The following AQP1 variants were observed in gnomAD, a reference collection of about 807,000 sequenced individuals.
The protein encoded by AQP1 is aquaporin 1 (Colton blood group).
A neutral mutation model predicts 19.7 loss-of-function variants in AQP1; 11 were observed. That is an observed-to-expected ratio of 0.56 (90% CI 0.35 to 0.92). The LOEUF is 0.92. Ranked by LOEUF, AQP1 falls within the 40% of genes least tolerant of loss-of-function variation. The probability of loss-of-function intolerance (pLI) is 0.01; values close to 1 mark genes in which losing one functional copy is unlikely to be tolerated. For synonymous variants in AQP1, 159 were observed against 166.7 expected, an observed-to-expected ratio of 0.95 and a Z score of 0.36; for missense variants, 320 against 369.7, an observed-to-expected ratio of 0.87 and a Z score of 1.10.
rs762860185 is a variant in AQP1 at position 30,911,991 on chromosome 7, A to G, written c.82A>G (p.Ser28Gly). The G allele has an allele frequency of 6.2e-7, 1 of 1,613,640 alleles. No individual in the cohort carries two copies. The highest frequency in any genetic ancestry group is 1.1e-5 in the South Asian group (1 of 91,090). ...GGCCACGACCCTCTTTGTCTTCATC[A>G]GCATCGGTTCTGCCCTGGGCTTCAA... ...FLATTLFVFISIGSALGFKYP... is the reference protein window; with the variant it reads ...FLATTLFVFIGIGSALGFKYP... The change falls in exon 1 of 4, where the codon AGC becomes GGC. Residue 28 changes from serine (S) to glycine (G), a missense_variant. Physicochemically the swap from Ser to Gly is moderately conservative, Grantham distance 56. Coordinates refer to ENST00000311813, the MANE Select transcript of AQP1 (RefSeq NM_198098.4).
In AQP1 at chr7:30,923,415, G is replaced by A. The variant is rs1296984971; in HGVS notation, c.631-35G>A. On this transcript the variant is annotated intron_variant, in intron 3 of 3. Transcript: ENST00000311813. The surrounding 1 kb of genome is among the most constrained non-coding windows in gnomAD (Gnocchi z 4.8). ...GGGAACGCTTCCCAGGGGCTTTTGA[G>A]TGGAGCCCTCTGAACACACCTGCTC... is the stretch of plus-strand genomic sequence containing the variant. 4 of 1,613,230 alleles carry A rather than the reference G, an allele frequency of 2.5e-6. No individual in the cohort carries two copies. The highest frequency in any genetic ancestry group is 1.6e-4 in the Middle Eastern group (1 of 6,080).
At chr7:30,921,450 G>A in intron 1 of AQP1, 2 of 1,463,806 alleles carry the variant, frequency 1.4e-6, no homozygotes, top group Middle Eastern at 2.3e-4. Flanking sequence ...TGGGAGACAG[G>A]CCTTGGACCA....
intron 1 of AQP1, among the ~76,000 whole-genome samples, chr7:30,915,119 A>G (rs1791278898): frequency 6.6e-6 from 1 of 152,142 alleles, no homozygotes; most frequent in Admixed American, 6.5e-5. Context: ...GGCTCTGAGA[A>G]GTAGGAGATG....
intron 1 of AQP1, among the ~76,000 whole-genome samples, chr7:30,913,800 G>A (rs1267789089): frequency 1.3e-5 from 2 of 151,982 alleles, no homozygotes; most frequent in East Asian, 1.9e-4. Context: ...ACGTGGCCGC[G>A]GGGGATGTAC....
intron 1 of AQP1, among the ~76,000 whole-genome samples, chr7:30,920,770 G>T (rs1791478642): frequency 6.6e-6 from 1 of 152,338 alleles, no homozygotes; most frequent in Non-Finnish European, 1.5e-5. Flanking sequence ...TGGCCAGAGG[G>T]CTGGCGGACC....
chr7:30,915,671 T>C (rs1791327560), intron 1 of AQP1, among the ~76,000 whole-genome samples: 1 of 152,172 alleles, frequency 6.6e-6, no homozygotes, highest in Non-Finnish European at 1.5e-5. Flanking sequence ...AGCTACCCTC[T>C]TCGGGGTCTT....
In AQP1 at chr7:30,923,838, GA is replaced by G; in HGVS notation, c.*210del. ...TTTCCTGGCCTCAGAGCTTCCTGGG[GA>G]CCAAGATTTACCAATTCACCCACTC... is the stretch of plus-strand genomic sequence containing the variant. On this transcript the variant is annotated 3_prime_UTR_variant, in exon 4 of 4. Coordinates refer to ENST00000311813, the MANE Select transcript of AQP1 (RefSeq NM_198098.4). This position sits in a 1 kb window ranked among gnomAD's most constrained non-coding sequence, Gnocchi z 4.8. The G allele has an allele frequency of 6.5e-7, 1 of 1,529,026 alleles. No homozygotes were observed. The highest frequency in any genetic ancestry group is 8.8e-7 in the Non-Finnish European group (1 of 1,138,534). The allele number at this position is 1,529,026 out of a possible 1,614,324, so 94.7% of individuals were successfully genotyped here.
intron 1 of AQP1, among the ~76,000 whole-genome samples, chr7:30,917,770 C>A (rs955420590): frequency 6.6e-6 from 1 of 152,164 alleles, no homozygotes; most frequent in African/African-American, 2.4e-5. Flanking sequence ...TTTCTGAAGT[C>A]AAGCTTGTTA....
rs770930476 is a variant in AQP1 at position 30,923,920 on chromosome 7, G to A, written c.*291G>A. 20 of 1,447,132 alleles carry A rather than the reference G, an allele frequency of 1.4e-5. No individual in the cohort carries two copies. Among genetic ancestry groups the A allele is most frequent in the Non-Finnish European group, 2.8e-6 (3 of 1,084,822 alleles). The allele number at this position is 1,447,132 out of a possible 1,614,324, so 89.6% of individuals were successfully genotyped here. On this transcript the variant is annotated 3_prime_UTR_variant, in exon 4 of 4. Transcript: ENST00000311813. The surrounding 1 kb of genome is among the most constrained non-coding windows in gnomAD (Gnocchi z 4.8). ...GGACCCACCTGCTAGTCGCCCCTCAGAGCATGATGGGAGGTGTGCCAGAAA... is the reference window on the plus strand; with the variant it reads ...GGACCCACCTGCTAGTCGCCCCTCAAAGCATGATGGGAGGTGTGCCAGAAA...
rs1791577610 is a variant in AQP1, at chr7:30,923,326, T to C, written c.631-124T>C. Reference sequence around the variant, plus strand: ...TCATGATGTTAGGATTTGGCTCTCCTACCTGCCTCCATCCCAGGTGGGAAA... The same window carrying C: ...TCATGATGTTAGGATTTGGCTCTCCCACCTGCCTCCATCCCAGGTGGGAAA... On this transcript the variant is annotated intron_variant, in intron 3 of 3. Transcript: ENST00000311813. This position sits in a 1 kb window ranked among gnomAD's most constrained non-coding sequence, Gnocchi z 4.8. The C allele has an allele frequency of 2.6e-6, 4 of 1,540,916 alleles. No homozygotes were observed. The highest frequency in any genetic ancestry group is 1.4e-5 in the African/African-American group (1 of 73,714).
Position 30,923,224 on chromosome 7 carries a change from TG to T in AQP1, c.631-225del, listed in dbSNP as rs1355696441. On this transcript the variant is annotated intron_variant, in intron 3 of 3. Coordinates refer to ENST00000311813, the MANE Select transcript of AQP1 (RefSeq NM_198098.4). This position sits in a 1 kb window ranked among gnomAD's most constrained non-coding sequence, Gnocchi z 4.8. ...AGAAGGGGCTGCTACTGCCCATGCC[TG>T]AGCTGGGCCCCACAGAGGCAAGGAG... Among the ~76,000 whole-genome samples, 1 of 152,236 alleles carries T rather than the reference TG, an allele frequency of 6.6e-6. No individual in the cohort carries two copies. Among genetic ancestry groups the T allele is most frequent in the East Asian group, 1.9e-4 (1 of 5,198 alleles).
chr7:30,915,837 G>T (rs923411691), intron 1 of AQP1, among the ~76,000 whole-genome samples: 1 of 152,156 alleles, frequency 6.6e-6, no homozygotes, highest in Non-Finnish European at 1.5e-5. Context: ...CATGCCACCA[G>T]TTCTCCCGGG....
Position 30,912,033 on chromosome 7 carries a change from A to G in AQP1, c.124A>G (p.Asn42Asp). 1 of 1,613,542 alleles carries G rather than the reference A, an allele frequency of 6.2e-7. No individual in the cohort carries two copies. Among genetic ancestry groups the G allele is most frequent in the Non-Finnish European group, 8.5e-7 (1 of 1,180,026 alleles). Residue 42 changes from asparagine (N) to aspartate (D), a missense_variant, in exon 1 of 4, where the codon AAC (asparagine) becomes GAC (aspartate). Transcript: ENST00000311813. The surrounding 1 kb of genome is among the most constrained non-coding windows in gnomAD (Gnocchi z 4.3). ...GGGCTTCAAATACCCGGTGGGGAAC[A>G]ACCAGACGGCGGTCCAGGACAACGT... ...ALGFKYPVGN[N>D]QTAVQDNVKV...
Position 30,912,186 on chromosome 7 carries a change from C to G in AQP1, c.277C>G (p.Arg93Gly), listed in dbSNP as rs760146829. ...GCTCAGCTGCCAGATCAGCATCTTC[C>G]GTGCCCTCATGTACATCATCGCCCA... ...LLLSCQISIF[R>G]ALMYIIAQCV... The change falls in exon 1 of 4, where the codon CGT (arginine) becomes GGT (glycine). Residue 93 changes from arginine (R) to glycine (G), a missense_variant. Physicochemically the swap from Arg to Gly is moderately radical, Grantham distance 125. Coordinates refer to ENST00000311813, the MANE Select transcript of AQP1 (RefSeq NM_198098.4). This position sits in a 1 kb window ranked among gnomAD's most constrained non-coding sequence, Gnocchi z 4.3. 9 of 1,612,480 alleles carry G rather than the reference C, an allele frequency of 5.6e-6. No individual in the cohort carries two copies. The African/African-American group carries it at 6.7e-5, about 12-fold the overall frequency.
intron 2 of AQP1, 142 bp from the exon 3 acceptor site, chr7:30,922,422 G>T (rs1168109770): frequency 3.1e-6 from 4 of 1,272,386 alleles, no homozygotes; most frequent in Admixed American, 3.4e-5. Flanking sequence ...GCCCAGCTTG[G>T]GGTCAGCACT....
At position 30,912,095 on chromosome 7, in the gene AQP1, G is replaced by A. The variant is rs368313004; in HGVS notation, c.186G>A (p.Thr62=). 2.2e-5 allele frequency: 35 copies of A among 1,613,158 alleles called. No individual in the cohort carries two copies. Among genetic ancestry groups the A allele is most frequent in the Middle Eastern group, 3.3e-4 (2 of 6,084 alleles). ...VSLAFGLSIA[T]LAQSVGHISG... is the part of the protein sequence containing the mutation. Reference sequence around the variant, plus strand: ...TGGCCTTCGGGCTGAGCATCGCCACGCTGGCGCAGAGTGTGGGCCACATCA... The same window carrying A: ...TGGCCTTCGGGCTGAGCATCGCCACACTGGCGCAGAGTGTGGGCCACATCA... Residue 62 remains threonine, a synonymous_variant, in exon 1 of 4, where the codon ACG becomes ACA. Transcript: ENST00000311813. This position sits in a 1 kb window ranked among gnomAD's most constrained non-coding sequence, Gnocchi z 4.3.
intron 1 of AQP1, among the ~76,000 whole-genome samples, chr7:30,917,041 G>A (rs533687709): frequency 6.6e-6 from 1 of 152,322 alleles, no homozygotes; most frequent in South Asian, 2.1e-4. Context: ...ACCCCGATGT[G>A]AGGCAGGAGG....
chr7:30,922,263 G>A (rs41276003), intron 2 of AQP1, 33 bp downstream of exon 2: 3 of 1,556,500 alleles, frequency 1.9e-6, no homozygotes, highest in Admixed American at 1.9e-5. Context: ...TGGAGGTGGG[G>A]GAAGGGAGGG....
intron 1 of AQP1, 127 bp from the exon 2 acceptor site, chr7:30,921,939 C>T: frequency 1.3e-6 from 2 of 1,557,670 alleles, no homozygotes; most frequent in Non-Finnish European, 1.7e-6. Flanking sequence ...CTGTGATGGG[C>T]TCTGAAGGCC....
Sources: allele counts gnomAD v4.1 joint callset (sites outside exome capture counted in the v4.1 genomes callset), GRCh38; gene constraint gnomAD v4.1.1; non-coding constraint Gnocchi (gnomAD v3.1); transcripts MANE v1.5; gene names NCBI Gene and HGNC (gene_info 2026-07-23, HGNC 2026-07-21).